TBC1D23: variants seen among roughly 807,000 people sequenced by gnomAD.
TBC1D23 encodes the protein TBC1 domain family member 23, also known as HCV non-structural protein 4A-transactivated protein 1.
TBC1D23 carries 55 observed loss-of-function variants against 91.4 expected under a neutral mutation model. The ratio of observed to expected loss-of-function variants is 0.60; its 90% confidence interval spans 0.48 to 0.75. TBC1D23 has a LOEUF of 0.75. Among genes scored for constraint, TBC1D23 ranks in the 30% least tolerant of loss-of-function variants. The probability of loss-of-function intolerance (pLI) is 0.00; values close to 1 mark genes in which losing one functional copy is unlikely to be tolerated. For missense variants in TBC1D23, 725 were observed against 836.1 expected (o/e 0.87, Z 1.64); for synonymous variants, 289 against 281.0 (o/e 1.03, Z -0.28).
chr3:100,289,258 C>T (rs569321264), intron 4 of TBC1D23, among the ~76,000 whole-genome samples: 2 of 152,146 alleles, frequency 1.3e-5, no homozygotes, highest in East Asian at 3.9e-4. Context: ...GTAATTATCT[C>T]CCTATATCCA....
At chr3:100,304,981 T>G (rs1705493440) in intron 12 of TBC1D23, 93 bp downstream of exon 12, 2 of 721,012 alleles carry the variant, frequency 2.8e-6, no homozygotes, top group African/African-American at 1.8e-5. Context: ...TCACATTAGT[T>G]AAAGGGTAGA....
At chr3:100,280,088 C>A (rs1023958175) in intron 2 of TBC1D23, among the ~76,000 whole-genome samples, 1 of 151,950 alleles carries the variant, frequency 6.6e-6, no homozygotes, top group African/African-American at 2.4e-5. Flanking sequence ...AGTTCAAGAC[C>A]CGCCTGGCCA....
At chr3:100,315,085 C>G (rs1009849856) in intron 15 of TBC1D23, among the ~76,000 whole-genome samples, 1 of 151,088 alleles carries the variant, frequency 6.6e-6, no homozygotes, top group Non-Finnish European at 1.5e-5. Context: ...GGTCACACTT[C>G]CTATAGACCT....
At position 100,283,598 on chromosome 3, in the gene TBC1D23, A is replaced by C; in HGVS notation, c.272-9A>C. 6.2e-7 allele frequency: 1 copy of C among 1,610,436 alleles called. No individual in the cohort carries two copies. Among genetic ancestry groups the C allele is most frequent in the Non-Finnish European group, 8.5e-7 (1 of 1,177,184 alleles). ...CTCAGTAACTTTATTTTTAACATTTATTTTCTAGACCAGCTTTCAGTGCCA... is the reference window on the plus strand; with the variant it reads ...CTCAGTAACTTTATTTTTAACATTTCTTTTCTAGACCAGCTTTCAGTGCCA... On this transcript the variant is annotated splice_polypyrimidine_tract_variant and intron_variant, in intron 3 of 18. Transcript: ENST00000394144.
intron 18 of TBC1D23, among the ~76,000 whole-genome samples, chr3:100,322,564 T>G (rs1705879276): frequency 6.6e-6 from 1 of 152,174 alleles, no homozygotes; most frequent in South Asian, 2.1e-4. Context: ...AGTTGTCCAA[T>G]TAGTCTTCTC....
intron 10 of TBC1D23, among the ~76,000 whole-genome samples, chr3:100,299,651 A>G (rs1188086967): frequency 6.6e-6 from 1 of 152,132 alleles, no homozygotes; most frequent in Non-Finnish European, 1.5e-5. Flanking sequence ...GTGGGATTAC[A>G]GGCACCCACC....
chr3:100,289,030 A>G (rs759517484), intron 4 of TBC1D23, among the ~76,000 whole-genome samples: 2 of 152,116 alleles, frequency 1.3e-5, no homozygotes, highest in African/African-American at 2.4e-5. Context: ...CCTGGGCAAC[A>G]TGAAGAAACC....
At chr3:100,312,595 C>T (rs1321135910) in intron 15 of TBC1D23, among the ~76,000 whole-genome samples, 1 of 152,040 alleles carries the variant, frequency 6.6e-6, no homozygotes, top group African/African-American at 2.4e-5. Flanking sequence ...AAGAACTTTA[C>T]TAACTTAACT....
intron 1 of TBC1D23, among the ~76,000 whole-genome samples, chr3:100,275,920 T>C (rs2067644677): frequency 6.6e-6 from 1 of 152,194 alleles, no homozygotes; most frequent in African/African-American, 2.4e-5. Context: ...CCACACATTA[T>C]ATGATTCCAG....
intron 2 of TBC1D23, 117 bp from the exon 3 acceptor site, chr3:100,281,625 A>G (rs1470886742): frequency 3.2e-6 from 2 of 618,506 alleles, no homozygotes; most frequent in African/African-American, 3.7e-5. Context: ...GAGTATGGAT[A>G]CCTTAATTGT....
At chr3:100,317,098 A>G (rs1028998959) in intron 16 of TBC1D23, among the ~76,000 whole-genome samples, 4 of 149,176 alleles carry the variant, frequency 2.7e-5, no homozygotes, top group African/African-American at 7.3e-5. Flanking sequence ...AAAAAAAAAA[A>G]TTTAGTCTTT....
At chr3:100,295,026 C>G (rs1349466436) in intron 5 of TBC1D23, 61 bp from the exon 6 acceptor site, 1 of 1,470,082 alleles carries the variant, frequency 6.8e-7, no homozygotes, top group Non-Finnish European at 9.1e-7. Context: ...TGCTTTAATA[C>G]TTTTAAGAGA....
At chr3:100,321,909 G>T (rs1191554921) in intron 18 of TBC1D23, among the ~76,000 whole-genome samples, 1 of 134,570 alleles carries the variant, frequency 7.4e-6, no homozygotes, top group Non-Finnish European at 1.7e-5. Flanking sequence ...ATAATATAAA[G>T]AATATGTCAT....
intron 17 of TBC1D23, among the ~76,000 whole-genome samples, chr3:100,319,564 G>A (rs1576189281): frequency 6.6e-6 from 1 of 152,182 alleles, no homozygotes; most frequent in East Asian, 1.9e-4. Flanking sequence ...GAGTAGCTGG[G>A]ATTACAGGCA....
intron 15 of TBC1D23, among the ~76,000 whole-genome samples, chr3:100,313,924 TA>T (rs34657272): frequency 0.21 from 31,853 of 151,942 alleles, 4,268 homozygotes; most frequent in East Asian, 0.49. Flanking sequence ...TATTTTAACA[TA>T]AAACCAAATG....
At position 100,299,193 on chromosome 3, in the gene TBC1D23, A is replaced by T. The variant is rs750772966; in HGVS notation, c.1000-46A>T. 3.2e-6 allele frequency: 4 copies of T among 1,263,166 alleles called. No individual in the cohort carries two copies. The Admixed American group carries it at 6.9e-5, about 22-fold the overall frequency. The allele number at this position is 1,263,166 out of a possible 1,614,324, so 78.2% of individuals were successfully genotyped here. Reference sequence around the variant, plus strand: ...TGTGAATATTATGTTGTGCAATGTGAACCTCATGGGAAATTCCTGTATGTC... The same window carrying T: ...TGTGAATATTATGTTGTGCAATGTGTACCTCATGGGAAATTCCTGTATGTC... On this transcript the variant is annotated intron_variant, in intron 9 of 18. Coordinates refer to ENST00000394144, the MANE Select transcript of TBC1D23 (RefSeq NM_001199198.3).
chr3:100,317,978 T>C (rs1358778056), intron 16 of TBC1D23, among the ~76,000 whole-genome samples: 2 of 152,036 alleles, frequency 1.3e-5, no homozygotes, highest in Non-Finnish European at 2.9e-5. Context: ...TTATATACAT[T>C]TAAGTATAGA....
chr3:100,299,080 CTTCGGG>C (rs1310538346), intron 9 of TBC1D23, among the ~76,000 whole-genome samples, 153 bp from the exon 10 acceptor site: 1 of 152,046 alleles, frequency 6.6e-6, no homozygotes, highest in Non-Finnish European at 1.5e-5. Context: ...TATTTAGGAC[CTTCGGG>C]TTATTTTCTG....
chr3:100,274,848 TATA>T (rs1210660053), intron 1 of TBC1D23, among the ~76,000 whole-genome samples: 3 of 148,952 alleles, frequency 2.0e-5, no homozygotes, highest in South Asian at 2.1e-4. Context: ...ATGATAAATA[TATA>T]ATATTTGTTT....
Sources: allele counts gnomAD v4.1 joint callset (sites outside exome capture counted in the v4.1 genomes callset), GRCh38; gene constraint gnomAD v4.1.1; transcripts MANE v1.5; gene names NCBI Gene and HGNC (gene_info 2026-07-23, HGNC 2026-07-21).